Variants in SECISBP2L observed in about 807,000 individuals in gnomAD.
SECISBP2L encodes SECIS binding protein 2 like.
SECISBP2L carries 43 observed loss-of-function variants against 114.7 expected under a neutral mutation model. That is an observed-to-expected ratio of 0.38 (90% confidence interval 0.29 to 0.48). SECISBP2L has a LOEUF of 0.48. Among genes scored for constraint, SECISBP2L ranks in the 20% least tolerant of loss-of-function variants. The probability of loss-of-function intolerance (pLI) is 0.98; values close to 1 mark genes in which losing one functional copy is unlikely to be tolerated. For missense variants in SECISBP2L, 1,136 were observed against 1,301.1 expected (o/e 0.87, Z 1.95); for synonymous variants, 451 against 439.7 (o/e 1.03, Z -0.32).
intron 9 of SECISBP2L, 92 bp from the exon 10 acceptor site, chr15:49,017,107 C>T: frequency 1.6e-6 from 2 of 1,260,486 alleles, no homozygotes; most frequent in Admixed American, 4.3e-5. Context: ...TTCTGCAGTA[C>T]AACCGGACTA....
In SECISBP2L at chr15:49,032,820, C is replaced by G. The variant is rs557009225; in HGVS notation, c.664+145G>C. On this transcript the variant is annotated intron_variant, in intron 4 of 17. Coordinates refer to ENST00000559471, the MANE Select transcript of SECISBP2L (RefSeq NM_001193489.2). ...CATTAAGGACACAGATTGCTTTATC[C>G]TTCCTAGAGAATTTCACAAAGTGGC... The G allele has an allele frequency of 5.5e-6, 6 of 1,090,838 alleles. No homozygotes were observed. In the African/African-American group the frequency reaches 9.5e-5, roughly 17 times the overall value. 67.6% of individuals were successfully genotyped at this position (1,090,838 alleles called of 1,614,324 possible).
At chr15:48,995,465 G>A (rs777632676) in intron 17 of SECISBP2L, among the ~76,000 whole-genome samples, 1 of 152,132 alleles carries the variant, frequency 6.6e-6, no homozygotes, top group Non-Finnish European at 1.5e-5. Flanking sequence ...CCAGGAAGGA[G>A]AATATGGGAA....
intron 11 of SECISBP2L, among the ~76,000 whole-genome samples, chr15:49,015,402 T>C (rs1440068110): frequency 6.6e-6 from 1 of 152,082 alleles, no homozygotes; most frequent in African/African-American, 2.4e-5. Context: ...ATAACAGAGG[T>C]TGATAGTGGA....
At chr15:49,034,669 G>GTGTTTTT (rs1555387327) in intron 3 of SECISBP2L, among the ~76,000 whole-genome samples, 3 of 132,136 alleles carry the variant, frequency 2.3e-5, no homozygotes, top group Admixed American at 7.8e-5. Context: ...TATATCTTTT[G>GTGTTTTT]TTTTTTTTTT....
intron 4 of SECISBP2L, among the ~76,000 whole-genome samples, chr15:49,030,058 A>C (rs1186459580): frequency 3.3e-5 from 5 of 151,870 alleles, no homozygotes; most frequent in Non-Finnish European, 7.4e-5. Flanking sequence ...AAAAAAAAAA[A>C]ACAAAAAACA....
At chr15:49,016,115 T>G (rs185090036) in intron 11 of SECISBP2L, among the ~76,000 whole-genome samples, 1 of 152,180 alleles carries the variant, frequency 6.6e-6, no homozygotes, top group East Asian at 1.9e-4. Context: ...CCAAGTGAAA[T>G]GAAGCACTGT....
At position 49,001,102 on chromosome 15, in the gene SECISBP2L, A is replaced by C. The variant is rs758522226; in HGVS notation, c.2028-5T>G. ...CAAAGAACCTGATTACAATACCTGT[A>C]AAAAAAAACCAAAATGGGTAACTCC... is the stretch of plus-strand genomic sequence containing the variant. On this transcript the variant is annotated splice_polypyrimidine_tract_variant and splice_region_variant and intron_variant, in intron 14 of 17. Coordinates refer to ENST00000559471, the MANE Select transcript of SECISBP2L (RefSeq NM_001193489.2). 1.5e-5 allele frequency: 23 copies of C among 1,566,414 alleles called. No individual in the cohort carries two copies. Among genetic ancestry groups the C allele is most frequent in the Non-Finnish European group, 1.9e-5 (22 of 1,157,152 alleles).
In SECISBP2L at chr15:49,037,907, A is replaced by G. The variant is rs1595797122; in HGVS notation, c.25-138T>C. ...CAGCATTCATAAAACATCCAAAAGG[A>G]AGAGCAATGTCAATTTTAAAATAAC... is the stretch of plus-strand genomic sequence containing the variant. On this transcript the variant is annotated intron_variant, in intron 1 of 17. Transcript: ENST00000559471. The G allele has an allele frequency of 5.5e-6, 3 of 549,144 alleles. No individual in the cohort carries two copies. In the East Asian group the frequency reaches 9.2e-5, roughly 17 times the overall value. The allele number at this position is 549,144 out of a possible 1,614,324, so 34.0% of individuals were successfully genotyped here. A position where few individuals can be genotyped will look rare whatever the true frequency, so the allele number is the denominator to read the frequency against.
rs1302077697 is a variant in SECISBP2L at position 48,999,968 on chromosome 15, G to C, written c.2268C>G (p.Leu756=). 2 of 1,613,818 alleles carry C rather than the reference G, an allele frequency of 1.2e-6. No individual in the cohort carries two copies. Among genetic ancestry groups the C allele is most frequent in the Admixed American group, 1.7e-5 (1 of 59,992 alleles). The stretch of plus-strand genomic sequence containing the variant: ...CCCGTGCCATGGCTATAACATTATA[G>C]AGAGCCTCATCCAGACCACCTGAGA... ...IQSKGGLDEA[L]YNVIAMAREQ... The change falls in exon 16 of 18, where the codon CTC becomes CTG. Residue 756 remains leucine, a synonymous_variant. Transcript: ENST00000559471.
chr15:49,036,454 T>A (rs917630899), intron 2 of SECISBP2L, among the ~76,000 whole-genome samples: 3 of 152,258 alleles, frequency 2.0e-5, no homozygotes, highest in African/African-American at 4.8e-5. Context: ...AAATATTTTT[T>A]AAATAATCTG....
At chr15:48,992,979 G>GC (rs1338441138) in intron 17 of SECISBP2L, 53 bp from the exon 18 acceptor site, 3 of 1,451,140 alleles carry the variant, frequency 2.1e-6, no homozygotes, top group Non-Finnish European at 2.8e-6. Context: ...TCAAAATCAT[G>GC]CAACTCTTTA....
intron 1 of SECISBP2L, among the ~76,000 whole-genome samples, chr15:49,045,264 T>A (rs1903220587): frequency 6.6e-6 from 1 of 152,164 alleles, no homozygotes; most frequent in Non-Finnish European, 1.5e-5. Context: ...GATTTCAAAA[T>A]ACAAACCGGC....
intron 1 of SECISBP2L, among the ~76,000 whole-genome samples, chr15:49,040,425 A>G (rs899993214): frequency 1.3e-5 from 2 of 152,092 alleles, no homozygotes; most frequent in South Asian, 2.1e-4. Flanking sequence ...GTATGGTTTC[A>G]AAAGCTGTTT....
chr15:49,013,100 T>C (rs1902469924), intron 11 of SECISBP2L: 2 of 277,386 alleles, frequency 7.2e-6, no homozygotes, highest in Admixed American at 9.9e-5. Context: ...TCCTTGCAAC[T>C]GGTCTTCAGT....
chr15:49,023,314 G>A (rs1340636534), intron 7 of SECISBP2L, among the ~76,000 whole-genome samples: 1 of 152,122 alleles, frequency 6.6e-6, no homozygotes, highest in Non-Finnish European at 1.5e-5. Flanking sequence ...AAGTTCACAG[G>A]AAAAGAAGTA....
intron 11 of SECISBP2L, 44 bp from the exon 12 acceptor site, chr15:49,012,861 C>T (rs972735303): frequency 6.4e-7 from 1 of 1,556,302 alleles, no homozygotes; most frequent in Non-Finnish European, 8.7e-7. Context: ...AGGGCCAATC[C>T]CACATACTTT....
intron 6 of SECISBP2L, 81 bp downstream of exon 6, chr15:49,028,063 G>A (rs1902788206): frequency 7.8e-7 from 1 of 1,274,798 alleles, no homozygotes; most frequent in South Asian, 1.4e-5. Flanking sequence ...TGCAGTATCA[G>A]CAAGCCTCAT....
At chr15:49,000,474 C>T (rs181907296) in intron 15 of SECISBP2L, among the ~76,000 whole-genome samples, 2 of 152,326 alleles carry the variant, frequency 1.3e-5, no homozygotes, top group Admixed American at 1.3e-4. Context: ...AATAAGGATG[C>T]ATGATGTAGT....
chr15:49,000,413 C>T (rs12592378), intron 15 of SECISBP2L, among the ~76,000 whole-genome samples: 26,220 of 152,118 alleles, frequency 0.17, 3,761 homozygotes, highest in African/African-American at 0.39. Context: ...CCTACTACTA[C>T]TACCTGCTTT....
Sources: gnomAD v4.1 joint callset for allele counts (sites outside exome capture counted in the v4.1 genomes callset) on GRCh38, gnomAD v4.1.1 for gene constraint, MANE v1.5 for transcripts, NCBI Gene and HGNC (gene_info 2026-07-23, HGNC 2026-07-21) for gene names.